Variants in CMYA5 observed in about 807,000 individuals in gnomAD.
CMYA5 encodes the protein cardiomyopathy-associated protein 5.
A neutral mutation model predicts 318.9 loss-of-function variants in CMYA5; 246 were observed. The ratio of observed to expected loss-of-function variants is 0.77; its 90% CI spans 0.70 to 0.86. The LOEUF (loss-of-function observed/expected upper bound fraction) is 0.86, where lower values mean the gene tolerates loss of function less well. Ranked by LOEUF, CMYA5 falls within the 40% of genes least tolerant of loss-of-function variation. CMYA5 has a pLI of 0.00. For synonymous variants in CMYA5, 1,641 were observed against 1,729.5 expected, an observed-to-expected ratio of 0.95 and a Z score of 1.27; for missense variants, 4,589 against 4,678.2, an observed-to-expected ratio of 0.98 and a Z score of 0.56.
In CMYA5 at chr5:79,752,726, C is replaced by T. The variant is rs768077564; in HGVS notation, c.11042C>T (p.Ala3681Val). 1.1e-5 allele frequency: 17 copies of T among 1,613,522 alleles called. No individual in the cohort carries two copies. The highest frequency in any genetic ancestry group is 2.7e-5 in the African/African-American group (2 of 74,908). Residue 3681 changes from alanine (A) to valine (V), a missense_variant, in exon 6 of 13, where the codon GCG (alanine) becomes GTG (valine). By Grantham distance (64) the Ala-to-Val change is moderately conservative. Around this residue, in one of 3 missense-constraint regions of CMYA5, gnomAD observed 2,431 missense variants for 2,495.1 expected, o/e 0.97. Coordinates refer to ENST00000446378, the MANE Select transcript of CMYA5 (RefSeq NM_153610.5). ...GCTTCTTTAGAGAAAATGCCTGCTG[C>T]GTTTTCCCTTTTCGAACATTATGAT... ...STASLEKMPA[A>V]FSLFEHYDDS...
intron 1 of CMYA5, among the ~76,000 whole-genome samples, chr5:79,722,875 A>C (rs759241133): frequency 5.9e-4 from 90 of 151,678 alleles, no homozygotes; most frequent in Non-Finnish European, 1.1e-3. Flanking sequence ...GAAATAGATA[A>C]ATTCTTAGAA....
At chr5:79,769,226 G>T (rs1372751617) in intron 9 of CMYA5, among the ~76,000 whole-genome samples, 2 of 151,840 alleles carry the variant, frequency 1.3e-5, no homozygotes, top group African/African-American at 2.4e-5. Flanking sequence ...TAGCTTCCTT[G>T]CATTGGGTTA....
rs377393601 is a variant in CMYA5 at position 79,736,191 on chromosome 5, A to C, written c.7426A>C (p.Lys2476Gln). Residue 2476 changes from lysine (K) to glutamine (Q), a missense_variant, in exon 2 of 13, where the codon AAA becomes CAA. Physicochemically the swap from Lys to Gln is moderately conservative, Grantham distance 53. Around this residue, in one of 3 missense-constraint regions of CMYA5, gnomAD observed 2,431 missense variants for 2,495.1 expected, o/e 0.97. Transcript: ENST00000446378. The part of the protein sequence containing the change: ...TLAEKKVLAE[K>Q]QNSVAPLELR... The stretch of plus-strand genomic sequence containing the variant: ...GGCAGAAAAGAAGGTGCTGGCAGAA[A>C]AACAAAACTCTGTGGCCCCATTAGA... 1.2e-6 allele frequency: 2 copies of C among 1,613,630 alleles called. No homozygotes were observed. Among genetic ancestry groups the C allele is most frequent in the Admixed American group, 1.7e-5 (1 of 59,944 alleles).
chr5:79,773,838 C>G (rs1419945158), intron 9 of CMYA5, among the ~76,000 whole-genome samples: 1 of 152,114 alleles, frequency 6.6e-6, no homozygotes, highest in African/African-American at 2.4e-5. Flanking sequence ...TCTTTTCCAC[C>G]CCCAATCCCC....
chr5:79,766,956 G>C (rs940729251), intron 9 of CMYA5, among the ~76,000 whole-genome samples: 2 of 152,106 alleles, frequency 1.3e-5, no homozygotes, highest in Non-Finnish European at 1.5e-5. Context: ...TGGTTGGTAG[G>C]ATATTAATTA....
intron 12 of CMYA5, 28 bp from the exon 13 acceptor site, chr5:79,799,342 T>G (rs776552613): frequency 3.8e-6 from 6 of 1,579,080 alleles, no homozygotes; most frequent in Non-Finnish European, 5.2e-6. Context: ...TTCCAGAGTT[T>G]TATGTTTCCC....
intron 1 of CMYA5, among the ~76,000 whole-genome samples, chr5:79,695,199 TCAAGTA>T (rs1396653791): frequency 6.6e-6 from 1 of 152,138 alleles, no homozygotes; most frequent in Non-Finnish European, 1.5e-5. Flanking sequence ...CTTAAGAGAA[TCAAGTA>T]CAAGAGACCA....
chr5:79,726,932 T>TTTTTTTTTTTG (rs1827760242), intron 1 of CMYA5, among the ~76,000 whole-genome samples: 1 of 146,280 alleles, frequency 6.8e-6, no homozygotes, highest in Non-Finnish European at 1.5e-5. Context: ...TTTTTTTTTT[T>TTTTTTTTTTTG]GAGACGGAGT....
intron 5 of CMYA5, among the ~76,000 whole-genome samples, chr5:79,751,505 T>G (rs1828429744): frequency 6.6e-6 from 1 of 152,222 alleles, no homozygotes; most frequent in Non-Finnish European, 1.5e-5. Context: ...TTATTGTTTC[T>G]GACAGTAGTA....
Position 79,745,274 on chromosome 5 carries a change from TGAA to T in CMYA5, c.10792_10794del (p.Lys3598del). ...CTAGAAGAACAGAATGAGGAAATGA[TGAA>T]GAAGGTTTTAGCACAGTATGATGAG... On this transcript the variant is annotated inframe_deletion, in exon 4 of 13. Transcript: ENST00000446378. 1 of 1,611,122 alleles carries T rather than the reference TGAA, an allele frequency of 6.2e-7. No homozygotes were observed. The highest frequency in any genetic ancestry group is 8.5e-7 in the Non-Finnish European group (1 of 1,178,512).
At position 79,731,865 on chromosome 5, in the gene CMYA5, G is replaced by A; in HGVS notation, c.3100G>A (p.Gly1034Ser). 1 of 1,613,592 alleles carries A rather than the reference G, an allele frequency of 6.2e-7. No individual in the cohort carries two copies. The highest frequency in any genetic ancestry group is 1.1e-5 in the South Asian group (1 of 90,964). The change falls in exon 2 of 13, where the codon GGT (glycine) becomes AGT (serine). Residue 1034 changes from glycine (G) to serine (S), a missense_variant. Gly to Ser is a moderately conservative substitution (Grantham distance 56, BLOSUM62 0). Coordinates refer to ENST00000446378, the MANE Select transcript of CMYA5 (RefSeq NM_153610.5). Reference sequence around the variant, plus strand: ...ACTATTAACTGCAGTGTCTGCTTCAGGTTATTCCTGCTTTTCAGAAGCAGA... The same window carrying A: ...ACTATTAACTGCAGTGTCTGCTTCAAGTTATTCCTGCTTTTCAGAAGCAGA... ...DSLLTAVSAS[G>S]YSCFSEADEE...
chr5:79,763,062 C>T lies in CMYA5; in HGVS notation c.11408C>T (p.Ala3803Val). 5 of 1,611,442 alleles carry T rather than the reference C, an allele frequency of 3.1e-6. No homozygotes were observed. The highest frequency in any genetic ancestry group is 4.2e-6 in the Non-Finnish European group (5 of 1,178,152). The change falls in exon 9 of 13, where the codon GCA becomes GTA. Residue 3803 changes from alanine to valine, a missense_variant and splice_region_variant. Ala to Val is a moderately conservative substitution (Grantham distance 64, BLOSUM62 0). Around this residue, in one of 3 missense-constraint regions of CMYA5, gnomAD observed 2,431 missense variants for 2,495.1 expected, o/e 0.97. Transcript: ENST00000446378. ...LPSERAIFRT[A>V]PSTPVIRAED... ...GACTGTCCTGACTCTCTTTCTGCAG[C>T]ACCCTCCACCCCTGTGATCCGCGCT...
chr5:79,791,945 T>C (rs1829187813), intron 11 of CMYA5, among the ~76,000 whole-genome samples: 1 of 152,156 alleles, frequency 6.6e-6, no homozygotes, highest in Non-Finnish European at 1.5e-5. Context: ...GTGAAACTCT[T>C]GAAAACTGTA....
Position 79,737,318 on chromosome 5 carries a change from T to C in CMYA5, c.8553T>C (p.Ile2851=), listed in dbSNP as rs747778277. Reference sequence around the variant, plus strand: ...CAGAAAGGCATACAGTTCATACTATTCAGACATCTAAAGATGACACATCCG... The same window carrying C: ...CAGAAAGGCATACAGTTCATACTATCCAGACATCTAAAGATGACACATCCG... The part of the protein sequence containing the change: ...LTPERHTVHT[I]QTSKDDTSDV... Residue 2851 remains isoleucine, a synonymous_variant, in exon 2 of 13, where the codon ATT becomes ATC. Transcript: ENST00000446378. 1 of 1,613,854 alleles carries C rather than the reference T, an allele frequency of 6.2e-7. No homozygotes were observed. Among genetic ancestry groups the C allele is most frequent in the South Asian group, 1.1e-5 (1 of 91,060 alleles).
chr5:79,751,894 G>A (rs1828437063), intron 5 of CMYA5, among the ~76,000 whole-genome samples: 1 of 152,236 alleles, frequency 6.6e-6, no homozygotes, highest in South Asian at 2.1e-4. Context: ...AGTCAAGGAA[G>A]GAGCTGAGCA....
intron 2 of CMYA5, among the ~76,000 whole-genome samples, chr5:79,741,024 C>T (rs898477459): frequency 1.3e-5 from 2 of 152,022 alleles, no homozygotes; most frequent in Non-Finnish European, 2.9e-5. Context: ...TATAGTCATG[C>T]ACTGCCACAC....
intron 6 of CMYA5, among the ~76,000 whole-genome samples, chr5:79,754,735 C>T (rs548896543): frequency 6.6e-6 from 1 of 152,186 alleles, no homozygotes; most frequent in Non-Finnish European, 1.5e-5. Context: ...GCATTAAGGA[C>T]ATTCACATTG....
Position 79,734,165 on chromosome 5 carries a change from C to A in CMYA5, c.5400C>A (p.Ser1800=). ...LSEETGHPNS[S]QVLQSITEPS... is the part of the protein sequence containing the mutation. ...AAGAAACAGGCCACCCAAATTCATC[C>A]CAGGTACTCCAGAGTATAACAGAAC... The change falls in exon 2 of 13, where the codon TCC becomes TCA. Residue 1800 remains serine, a synonymous_variant. Transcript: ENST00000446378. 6.2e-7 allele frequency: 1 copy of A among 1,613,746 alleles called. No homozygotes were observed. The highest frequency in any genetic ancestry group is 8.5e-7 in the Non-Finnish European group (1 of 1,179,794).
Position 79,718,171 on chromosome 5 carries a change from G to C in CMYA5, c.150-10744G>C, listed in dbSNP as rs1305918342. Among the ~76,000 whole-genome samples the C allele has an allele frequency of 6.3e-5, 3 of 47,722 alleles. 1 individual carries two copies. Among genetic ancestry groups the C allele is most frequent in the Non-Finnish European group, 1.1e-4 (3 of 26,834 alleles). The allele number at this position is 47,722 out of a possible 152,430, so 31.3% of individuals were successfully genotyped here. On this transcript the variant is annotated intron_variant, in intron 1 of 12. Transcript: ENST00000446378. ...CAAAGTGCTGGGATTACAGGTGTGA[G>C]CCACCGCACCCGGCCAGCTATTTTA...
Sources: allele counts gnomAD v4.1 joint callset (sites outside exome capture counted in the v4.1 genomes callset), GRCh38; gene constraint gnomAD v4.1.1; regional missense constraint gnomAD v4.1.1; transcripts MANE v1.5; gene names NCBI Gene and HGNC (gene_info 2026-07-23, HGNC 2026-07-21).